Variants in KIFAP3 observed in about 807,000 individuals in gnomAD.
The protein encoded by KIFAP3 is kinesin-associated protein 3.
A neutral mutation model predicts 106.5 loss-of-function variants in KIFAP3; 68 were observed. That is an observed-to-expected ratio of 0.64 (90% CI 0.53 to 0.78). KIFAP3 has a LOEUF of 0.78. Ranked by LOEUF, KIFAP3 falls within the 30% of genes least tolerant of loss-of-function variation. The probability of loss-of-function intolerance (pLI) is 0.00; values close to 1 mark genes in which losing one functional copy is unlikely to be tolerated. For synonymous variants in KIFAP3, 320 were observed against 311.5 expected, an observed-to-expected ratio of 1.03 and a Z score of -0.29; for missense variants, 780 against 941.8, an observed-to-expected ratio of 0.83 and a Z score of 2.25.
rs140356614 is a variant in KIFAP3, at chr1:170,022,826, G to A, written c.1020+1592C>T. ...TTTATATCATATATTCCAATTCTAT[G>A]ATCTTACCAGAAAATAACTTTTAAT... On this transcript the variant is annotated intron_variant, in intron 9 of 19. Transcript: ENST00000361580. Among the ~76,000 whole-genome samples, 67 of 152,162 alleles carry A rather than the reference G, an allele frequency of 4.4e-4. No homozygotes were observed. In the East Asian group the frequency reaches 0.011, roughly 24 times the overall value.
chr1:169,998,391 TATATATATACACACACACACAC>T (rs771890145), intron 10 of KIFAP3, among the ~76,000 whole-genome samples: 1 of 131,988 alleles, frequency 7.6e-6, no homozygotes, highest in Non-Finnish European at 1.6e-5. Flanking sequence ...GATATATATA[TATATATATACACACACACACAC>T]ACACACACAC....
At chr1:169,991,481 C>T (rs543869164) in intron 11 of KIFAP3, among the ~76,000 whole-genome samples, 54 of 152,014 alleles carry the variant, frequency 3.6e-4, no homozygotes, top group African/African-American at 1.2e-3. Context: ...AAAGAAATAA[C>T]GAACCACTGC....
rs565426718 is a variant in KIFAP3, at chr1:170,014,516, C to T, written c.1183+1946G>A. Among the ~76,000 whole-genome samples the T allele has an allele frequency of 2.0e-5, 3 of 152,224 alleles. No homozygotes were observed. The East Asian group carries it at 5.8e-4, about 29-fold the overall frequency. On this transcript the variant is annotated intron_variant, in intron 10 of 19. Coordinates refer to ENST00000361580, the MANE Select transcript of KIFAP3 (RefSeq NM_014970.4). The stretch of plus-strand genomic sequence containing the variant: ...ATGAAAATGACAACTTTTTCAATAT[C>T]CATTTCAAATGAAATCTTATCTATA...
At chr1:169,938,742 G>C (rs909775992) in intron 19 of KIFAP3, among the ~76,000 whole-genome samples, 1 of 152,138 alleles carries the variant, frequency 6.6e-6, no homozygotes, top group Admixed American at 6.6e-5. Context: ...AGATGAGGGA[G>C]AAGCAGCTTC....
intron 15 of KIFAP3, among the ~76,000 whole-genome samples, chr1:169,979,406 A>G (rs190073810): frequency 6.6e-5 from 10 of 152,262 alleles, no homozygotes; most frequent in Admixed American, 5.9e-4. Flanking sequence ...TCTCTAGATG[A>G]CCTATTAAAA....
intron 19 of KIFAP3, among the ~76,000 whole-genome samples, chr1:169,941,513 T>A (rs1357532798): frequency 7.4e-6 from 1 of 135,136 alleles, no homozygotes. Context: ...TTTATGAGGA[T>A]GAGAATAATT....
chr1:169,980,873 G>T (rs1271156396), intron 15 of KIFAP3, among the ~76,000 whole-genome samples: 2 of 152,122 alleles, frequency 1.3e-5, no homozygotes, highest in Non-Finnish European at 2.9e-5. Context: ...AGGCCGAGGT[G>T]GGCGGATCAC....
chr1:170,019,372 T>G (rs1668689595), intron 9 of KIFAP3, among the ~76,000 whole-genome samples: 1 of 151,886 alleles, frequency 6.6e-6, no homozygotes, highest in Non-Finnish European at 1.5e-5. Flanking sequence ...ACCAAGACAT[T>G]AGGAGAAAAG....
chr1:170,030,636 T>C (rs969272221), intron 8 of KIFAP3, among the ~76,000 whole-genome samples: 2 of 151,884 alleles, frequency 1.3e-5, no homozygotes, highest in Non-Finnish European at 3.0e-5. Flanking sequence ...AAACTATTGA[T>C]AAATGCAATA....
chr1:169,945,080 C>A lies in KIFAP3; in HGVS notation c.2273+8931G>T, dbSNP rs142108022. On this transcript the variant is annotated intron_variant, in intron 19 of 19. Coordinates refer to ENST00000361580, the MANE Select transcript of KIFAP3 (RefSeq NM_014970.4). ...GCCCATACTAAGCCACCTTCAGCAC[C>A]CCCTGGCCTCCCTCCCTGAGCTTGT... Among the ~76,000 whole-genome samples the A allele has an allele frequency of 3.3e-3, 509 of 152,238 alleles. 4 individuals carry two copies. The Middle Eastern group carries it at 0.044, about 13-fold the overall frequency.
intron 16 of KIFAP3, among the ~76,000 whole-genome samples, chr1:169,975,847 C>T (rs1666197807): frequency 6.6e-6 from 1 of 152,130 alleles, no homozygotes; most frequent in East Asian, 1.9e-4. Context: ...TTTTAAGACA[C>T]AAAGTTTTTA....
chr1:169,991,381 C>T (rs925783700), intron 11 of KIFAP3, among the ~76,000 whole-genome samples: 1 of 150,754 alleles, frequency 6.6e-6, no homozygotes, highest in African/African-American at 2.4e-5. Flanking sequence ...GAAAGACTGG[C>T]AAGAGATATG....
chr1:170,052,535 CAAA>C (rs532684156), intron 2 of KIFAP3, among the ~76,000 whole-genome samples: 1 of 151,562 alleles, frequency 6.6e-6, no homozygotes, highest in East Asian at 1.9e-4. Context: ...AGAGACACAA[CAAA>C]AAAAAGAAAA....
intron 19 of KIFAP3, among the ~76,000 whole-genome samples, chr1:169,953,032 C>A (rs1381165589): frequency 6.6e-6 from 1 of 151,922 alleles, no homozygotes; most frequent in Non-Finnish European, 1.5e-5. Context: ...AATTACTAGG[C>A]TTAAGGGAAA....
chr1:170,000,648 A>C (rs750445030), intron 10 of KIFAP3, among the ~76,000 whole-genome samples: 21 of 152,106 alleles, frequency 1.4e-4, no homozygotes, highest in Non-Finnish European at 2.9e-4. Flanking sequence ...TTTTATGCTT[A>C]ACTTATTAGA....
intron 18 of KIFAP3, among the ~76,000 whole-genome samples, chr1:169,960,049 T>TTTGCAC (rs1213956334): frequency 2.6e-5 from 4 of 152,012 alleles, no homozygotes; most frequent in African/African-American, 9.7e-5. Context: ...CTATGGAAAA[T>TTTGCAC]TTGCACAATA....
intron 1 of KIFAP3, among the ~76,000 whole-genome samples, chr1:170,063,219 A>G (rs939148906): frequency 2.0e-5 from 3 of 152,296 alleles, no homozygotes; most frequent in African/African-American, 7.2e-5. Context: ...AGAGGTCACA[A>G]GATTTGTATC....
chr1:170,031,951 T>C lies in KIFAP3; in HGVS notation c.776A>G (p.Lys259Arg), dbSNP rs1417891046. Residue 259 changes from lysine to arginine, a missense_variant, in exon 8 of 20, where the codon AAG becomes AGG. Coordinates refer to ENST00000361580, the MANE Select transcript of KIFAP3 (RefSeq NM_014970.4). Reference protein sequence around the residue: ...DEDPENQTLRKDYEKTFKKYQ... With the variant: ...DEDPENQTLRRDYEKTFKKYQ... ...CTTTTTAAAGGTTTTTTCATAATCC[T>C]TTCTCAAGGTTTGGTTTTCAGGGTC... The C allele has an allele frequency of 3.7e-6, 6 of 1,610,400 alleles. No individual in the cohort carries two copies. The highest frequency in any genetic ancestry group is 1.7e-5 in the Admixed American group (1 of 59,900).
Position 169,968,210 on chromosome 1 carries a change from T to G in KIFAP3, c.1983+4303A>C, listed in dbSNP as rs370911692. 1.4e-4 allele frequency among the ~76,000 whole-genome samples: 21 copies of G among 152,060 alleles called. No individual in the cohort carries two copies. In the East Asian group the frequency reaches 3.5e-3, roughly 25 times the overall value. On this transcript the variant is annotated intron_variant, in intron 17 of 19. Transcript: ENST00000361580. The stretch of plus-strand genomic sequence containing the variant: ...CTAAAGTGTCGTGAAAGACTGATGG[T>G]TTGATTTTACATGGAATGTGCCATC...
Sources: gnomAD v4.1 joint callset for allele counts (sites outside exome capture counted in the v4.1 genomes callset) on GRCh38, gnomAD v4.1.1 for gene constraint, MANE v1.5 for transcripts, NCBI Gene and HGNC (gene_info 2026-07-23, HGNC 2026-07-21) for gene names.